Variants in OXTR observed in about 807,000 individuals in gnomAD.
OXTR encodes oxytocin receptor.
OXTR carries 19 observed loss-of-function variants against 23.9 expected under a neutral mutation model. The ratio of observed to expected loss-of-function variants is 0.80; its 90% CI spans 0.56 to 1.17. The LOEUF is 1.17. OXTR is among the 50% of genes most tolerant of loss of function. The pLI, the probability that OXTR is intolerant of heterozygous loss-of-function variation, is 0.00. For synonymous variants in OXTR, 278 were observed against 250.5 expected (o/e 1.11, Z -1.04); for missense variants, 500 against 550.7 (o/e 0.91, Z 0.92).
intron 3 of OXTR, among the ~76,000 whole-genome samples, chr3:8,764,248 T>A (rs1367686227): frequency 6.6e-6 from 1 of 152,122 alleles, no homozygotes; most frequent in African/African-American, 2.4e-5. Flanking sequence ...CCCTGGGGTT[T>A]TCATGATAAA....
chr3:8,742,616 T>C, the OXTR span: 1 of 443,908 alleles, frequency 2.3e-6, no homozygotes, highest in Non-Finnish European at 4.5e-6. Context: ...AAGGAATAAT[T>C]ACCATCACTG....
downstream of OXTR, among the ~76,000 whole-genome samples, chr3:8,749,366 G>A (rs1345960687): frequency 6.6e-6 from 1 of 152,116 alleles, no homozygotes; most frequent in Admixed American, 6.5e-5. Flanking sequence ...ATAACTCCAG[G>A]GTTCCCAGGA....
chr3:8,744,054 C>G, the OXTR span, among the ~76,000 whole-genome samples: 1 of 152,180 alleles, frequency 6.6e-6, no homozygotes, highest in Non-Finnish European at 1.5e-5. Context: ...GGCCACCACA[C>G]AGGCCCCTCC....
rs545998443 is a variant in OXTR, at chr3:8,765,086, T to G, written c.922+2180A>C. Among the ~76,000 whole-genome samples the G allele has an allele frequency of 7.2e-5, 11 of 152,376 alleles. 1 individual carries two copies. In the South Asian group the frequency reaches 2.1e-3, roughly 29 times the overall value. On this transcript the variant is annotated intron_variant, in intron 3 of 3. Transcript: ENST00000316793. ...GGACCACAAACACTCAAGAGGCCTA[T>G]GACCTCCACTCTGGCCAGGATCTGT...
chr3:8,756,246 T>A (rs764489154), intron 3 of OXTR, among the ~76,000 whole-genome samples: 12 of 152,306 alleles, frequency 7.9e-5, no homozygotes, highest in Middle Eastern at 6.8e-3. Flanking sequence ...TACTTCCATG[T>A]GAGGATGTGA....
chr3:8,767,333 G>C lies in OXTR; in HGVS notation c.855C>G (p.Ile285Met). 1 of 1,608,526 alleles carries C rather than the reference G, an allele frequency of 6.2e-7. No individual in the cohort carries two copies. Among genetic ancestry groups the C allele is most frequent in the Non-Finnish European group, 8.5e-7 (1 of 1,178,054 alleles). ...CGAAGAAGAAAGGCGTCCAGCACAC[G>C]ATGAAGGCCAGCACGATGATGAAAG... ...KMTFIIVLAFIVCWTPFFFVQ... is the reference protein window; with the variant it reads ...KMTFIIVLAFMVCWTPFFFVQ... Residue 285 changes from isoleucine to methionine, a missense_variant, in exon 3 of 4, where the codon ATC becomes ATG. Physicochemically the swap from Ile to Met is conservative, Grantham distance 10 (BLOSUM62 1). Transcript: ENST00000316793.
At chr3:8,744,257 G>A in the OXTR span, among the ~76,000 whole-genome samples, 1 of 149,512 alleles carries the variant, frequency 6.7e-6, no homozygotes, top group Non-Finnish European at 1.5e-5. Context: ...GTTCACTGCT[G>A]TTTAATTGAC....
At chr3:8,745,973 C>T, downstream of OXTR, 1 of 847,504 alleles carries the variant, frequency 1.2e-6, no homozygotes, top group Non-Finnish European at 1.8e-6. This position sits in a 1 kb window ranked among gnomAD's most constrained non-coding sequence, Gnocchi z 4.8. Context: ...TCTTTAGGGA[C>T]TGCTCCATAC....
chr3:8,744,793 G>A, the OXTR span: 1 of 152,296 alleles, frequency 6.6e-6, no homozygotes, highest in Non-Finnish European at 1.5e-5. Flanking sequence ...TAGAATTTGA[G>A]AGCTGCGACT....
In OXTR at chr3:8,767,909, C is replaced by T. The variant is rs1214292831; in HGVS notation, c.279G>A (p.Val93=). ...IADLVVAVFQ[V]LPQLLWDITF... ...TGATGTCCCACAGCAACTGCGGCAG[C>T]ACCTGAAACACTGCCACCACCAGGT... is the stretch of plus-strand genomic sequence containing the variant. Residue 93 remains valine (V), a synonymous_variant, in exon 3 of 4, where the codon GTG becomes GTA. Coordinates refer to ENST00000316793, the MANE Select transcript of OXTR (RefSeq NM_000916.4). 1.2e-6 allele frequency: 2 copies of T among 1,613,702 alleles called. No individual in the cohort carries two copies. The highest frequency in any genetic ancestry group is 8.5e-7 in the Non-Finnish European group (1 of 1,179,876).
chr3:8,762,637 C>T (rs542225334), intron 3 of OXTR, among the ~76,000 whole-genome samples: 12 of 152,308 alleles, frequency 7.9e-5, no homozygotes, highest in African/African-American at 2.4e-4. Context: ...CCCCACACCT[C>T]GGGCACAGCA....
chr3:8,761,066 T>G (rs1474535565), intron 3 of OXTR, among the ~76,000 whole-genome samples: 1 of 152,136 alleles, frequency 6.6e-6, no homozygotes, highest in Non-Finnish European at 1.5e-5. Flanking sequence ...CTGTTAAATA[T>G]CCTACCATGC....
rs1329444819 is a variant in OXTR at position 8,751,126 on chromosome 3, G to A, written c.*1851C>T. ...TGATTTTGACTTGCATTTCCCTAAT[G>A]AATAATAATGTTGAGTATTTTTTCA... On this transcript the variant is annotated 3_prime_UTR_variant, in exon 4 of 4. Transcript: ENST00000316793. 1 of 152,136 alleles carries A rather than the reference G, an allele frequency of 6.6e-6. No homozygotes were observed. The highest frequency in any genetic ancestry group is 2.4e-5 in the African/African-American group (1 of 41,410). 9.4% of individuals were successfully genotyped at this position (152,136 alleles called of 1,614,324 possible). A position where few individuals can be genotyped will look rare whatever the true frequency, so the allele number is the denominator to read the frequency against.
At chr3:8,758,425 C>T (rs976800242) in intron 3 of OXTR, among the ~76,000 whole-genome samples, 6 of 152,132 alleles carry the variant, frequency 3.9e-5, no homozygotes, top group Admixed American at 1.3e-4. Flanking sequence ...ACAAAAGGCC[C>T]GCACTTGAGA....
Position 8,751,698 on chromosome 3 carries a change from T to A in OXTR, c.*1279A>T, listed in dbSNP as rs919639954. 5 of 152,218 alleles carry A rather than the reference T, an allele frequency of 3.3e-5. No individual in the cohort carries two copies. The highest frequency in any genetic ancestry group is 3.3e-4 in the Admixed American group (5 of 15,280). The allele number at this position is 152,218 out of a possible 1,614,324, so 9.4% of individuals were successfully genotyped here. On this transcript the variant is annotated 3_prime_UTR_variant, in exon 4 of 4. Transcript: ENST00000316793. ...AAAATCAATTGACCGTAAGTATAAG[T>A]GTTCATATCTGTACTCTTTATTCTG...
the OXTR span, among the ~76,000 whole-genome samples, chr3:8,743,939 T>A: frequency 6.6e-6 from 1 of 152,174 alleles, no homozygotes; most frequent in Non-Finnish European, 1.5e-5. Flanking sequence ...ATGAAAGTAA[T>A]TTTAATATTG....
intron 3 of OXTR, among the ~76,000 whole-genome samples, chr3:8,765,740 G>T (rs1028384520): frequency 2.0e-5 from 3 of 152,172 alleles, no homozygotes; most frequent in African/African-American, 7.2e-5. Flanking sequence ...CCTGGCATAG[G>T]AAACGTCAGC....
rs1213241817 is a variant in OXTR at position 8,751,135 on chromosome 3, T to C, written c.*1842A>G. ...CTTGCATTTCCCTAATGAATAATAA[T>C]GTTGAGTATTTTTTCATGTGCTTAG... On this transcript the variant is annotated 3_prime_UTR_variant, in exon 4 of 4. Transcript: ENST00000316793. The C allele has an allele frequency of 1.3e-5, 2 of 152,240 alleles. No homozygotes were observed. Among genetic ancestry groups the C allele is most frequent in the East Asian group, 3.8e-4 (2 of 5,202 alleles). 9.4% of individuals were successfully genotyped at this position (152,240 alleles called of 1,614,324 possible).
rs140897817 is a variant in OXTR at position 8,764,092 on chromosome 3, G to C, written c.922+3174C>G. On this transcript the variant is annotated intron_variant, in intron 3 of 3. Transcript: ENST00000316793. ...ATATGAGGGAATGAAGTTGCTCAAGGGAGAGATGGAAAAGAGAGAGCAAAT... is the reference window on the plus strand; with the variant it reads ...ATATGAGGGAATGAAGTTGCTCAAGCGAGAGATGGAAAAGAGAGAGCAAAT... Among the ~76,000 whole-genome samples, 588 of 151,988 alleles carry C rather than the reference G, an allele frequency of 3.9e-3. 5 individuals carry two copies. Among genetic ancestry groups the C allele is most frequent in the African/African-American group, 0.014 (559 of 41,278 alleles).
Sources: gnomAD v4.1 joint callset for allele counts (sites outside exome capture counted in the v4.1 genomes callset) on GRCh38, gnomAD v4.1.1 for gene constraint, Gnocchi (gnomAD v3.1) non-coding constraint, MANE v1.5 for transcripts, NCBI Gene and HGNC (gene_info 2026-07-23, HGNC 2026-07-21) for gene names.